ARSA: variants seen among roughly 807,000 people sequenced by gnomAD.
ARSA encodes the protein arylsulfatase A.
Under a neutral mutation model 37.8 loss-of-function variants are expected in ARSA, and 32 were observed. That is an observed-to-expected ratio of 0.85 (90% CI 0.64 to 1.14). The LOEUF is 1.14. ARSA is among the 50% of genes most tolerant of loss of function. The pLI is 0.00. For synonymous variants in ARSA, 303 were observed against 303.4 expected, an observed-to-expected ratio of 1.00 and a Z score of 0.01; for missense variants, 685 against 686.3, an observed-to-expected ratio of 1.00 and a Z score of 0.02.
rs780413907 is a variant in ARSA, at chr22:50,624,813, G to A, written c.*332C>T. ...ATGTGCCCATGTCCTTGAGGCTGAC[G>A]TGTGCCTGTGTGCACTGACCCACGC... On this transcript the variant is annotated 3_prime_UTR_variant, in exon 8 of 8. Transcript: ENST00000216124. 7.0e-4 allele frequency among the ~76,000 whole-genome samples: 103 copies of A among 146,756 alleles called. No homozygotes were observed. Among genetic ancestry groups the A allele is most frequent in the Admixed American group, 1.2e-3 (17 of 13,800 alleles).
chr22:50,626,126 G>T, intron 5 of ARSA, 28 bp downstream of exon 5: 1 of 1,599,432 alleles, frequency 6.3e-7, no homozygotes, highest in Non-Finnish European at 8.5e-7. Context: ...TGGGGCCAGG[G>T]TTCCAAGGAG....
chr22:50,626,617 C>T lies in ARSA; in HGVS notation c.828G>A (p.Thr276=), dbSNP rs370585019. The T allele has an allele frequency of 1.5e-5, 25 of 1,613,864 alleles. No homozygotes were observed. The highest frequency in any genetic ancestry group is 1.7e-4 in the Middle Eastern group (1 of 6,060). The change falls in exon 4 of 8, where the codon ACG becomes ACA. Residue 276 remains threonine, a synonymous_variant. Transcript: ENST00000216124. ...CATTGTCTGCAGTGAAGATGACCAG[C>T]GTCTCTTCAAGCAGCCCCAGGTCCC... is the stretch of plus-strand genomic sequence containing the variant. ...AIGDLGLLEE[T]LVIFTADNGP... is the part of the protein sequence containing the mutation.
rs2082642816 is a variant in ARSA at position 50,625,247 on chromosome 22, G to A, written c.1428C>T (p.Pro476=). ...GGTCCTCGCCCCGGGCCACCTGGCTGGGGCCGAAGGTCACAGCTGCGTCTA... is the reference window on the plus strand; with the variant it reads ...GGTCCTCGCCCCGGGCCACCTGGCTAGGGCCGAAGGTCACAGCTGCGTCTA... The part of the protein sequence containing the change: ...AQLDAAVTFG[P]SQVARGEDPA... Residue 476 remains proline, a synonymous_variant, in exon 8 of 8, where the codon CCC becomes CCT. Transcript: ENST00000216124. 1.9e-6 allele frequency: 3 copies of A among 1,611,540 alleles called. No homozygotes were observed. The highest frequency in any genetic ancestry group is 2.5e-6 in the Non-Finnish European group (3 of 1,179,166).
At chr22:50,625,555 G>T (rs772146580) in intron 7 of ARSA, 24 bp downstream of exon 7, 7 of 1,609,888 alleles carry the variant, frequency 4.3e-6, no homozygotes, top group Admixed American at 3.3e-5. Context: ...AGGTCGGGGG[G>T]AGGGATCCAC....
rs764737103 is a variant in ARSA, at chr22:50,627,585, G to A, written c.195C>T (p.Tyr65=). ...AAGGLRFTDF[Y]VPVSLCTPSR... ...AGGGTGTGCACAGAGACACAGGCAC[G>A]TAGAAGTCTGTGAACCGCAGCCCTC... is the stretch of plus-strand genomic sequence containing the variant. The change falls in exon 1 of 8, where the codon TAC becomes TAT. Residue 65 remains tyrosine (Y), a synonymous_variant. Transcript: ENST00000216124. 5.2e-5 allele frequency: 81 copies of A among 1,562,458 alleles called. No homozygotes were observed. Among genetic ancestry groups the A allele is most frequent in the African/African-American group, 2.6e-4 (19 of 73,758 alleles).
In ARSA at chr22:50,627,895, G is replaced by A. The variant is rs2082704731; in HGVS notation, c.-116C>T. On this transcript the variant is annotated 5_prime_UTR_variant, in exon 1 of 8. Transcript: ENST00000216124. ...GAGACCCCGGACCCAAATACTCCCC[G>A]ACCCTGACGGCCGCCTCCTGAAGCT... 10 of 1,039,138 alleles carry A rather than the reference G, an allele frequency of 9.6e-6. No individual in the cohort carries two copies. Among genetic ancestry groups the A allele is most frequent in the South Asian group, 1.6e-5 (1 of 62,018 alleles). 64.4% of individuals were successfully genotyped at this position (1,039,138 alleles called of 1,614,324 possible). A position where few individuals can be genotyped will look rare whatever the true frequency, so the allele number is the denominator to read the frequency against.
At chr22:50,625,749 G>A (rs2082654433) in intron 6 of ARSA, 68 bp from the exon 7 acceptor site, 3 of 1,574,698 alleles carry the variant, frequency 1.9e-6, no homozygotes, top group Non-Finnish European at 2.6e-6. Context: ...GGGGCTGCCA[G>A]CCCTGGTGGG....
Position 50,627,753 on chromosome 22 carries a change from G to A in ARSA, c.27C>T (p.Leu9=), listed in dbSNP as rs944621208. 2.6e-6 allele frequency: 4 copies of A among 1,548,456 alleles called. No homozygotes were observed. The African/African-American group carries it at 5.5e-5, about 21-fold the overall frequency. The change falls in exon 1 of 8, where the codon CTC becomes CTT. Residue 9 remains leucine (L), a synonymous_variant. Transcript: ENST00000216124. MSMGAPRS[L]LLALAAGLAV... ...CCAGGCCAGCAGCCAGGGCCAGGAG[G>A]AGGGACCGCGGTGCCCCCATGGACA...
In ARSA at chr22:50,626,153, C is replaced by A. The variant is rs754722529; in HGVS notation, c.979+1G>T. On this transcript the variant is annotated splice_donor_variant, in intron 5 of 7. Coordinates refer to ENST00000216124, the MANE Select transcript of ARSA (RefSeq NM_000487.6). LOFTEE classifies it high-confidence loss of function. ...TCCAAGGAGAGGGCCTGCGGACTGA[C>A]CGGGAGCGATATGACCTGGCCAGAA... 1 of 1,601,614 alleles carries A rather than the reference C, an allele frequency of 6.2e-7. No homozygotes were observed.
chr22:50,628,090 G>A lies in ARSA; in HGVS notation c.-311C>T, dbSNP rs980788308. On this transcript the variant is annotated 5_prime_UTR_variant, in exon 1 of 8. Transcript: ENST00000216124. Reference sequence around the variant, plus strand: ...TGGCGCTGACCAGCGGAGTCGGGCCGGGGGGAAGGCGCTAGAGGGAGCCCA... The same window carrying A: ...TGGCGCTGACCAGCGGAGTCGGGCCAGGGGGAAGGCGCTAGAGGGAGCCCA... 1.8e-5 allele frequency: 7 copies of A among 380,362 alleles called. No homozygotes were observed. In the East Asian group the frequency reaches 3.2e-4, roughly 17 times the overall value. 23.6% of individuals were successfully genotyped at this position (380,362 alleles called of 1,614,324 possible).
At position 50,627,643 on chromosome 22, in the gene ARSA, G is replaced by C; in HGVS notation, c.137C>G (p.Ser46Cys). 1 of 1,560,190 alleles carries C rather than the reference G, an allele frequency of 6.4e-7. No individual in the cohort carries two copies. The highest frequency in any genetic ancestry group is 1.2e-5 in the South Asian group (1 of 84,946). The change falls in exon 1 of 8, where the codon TCT becomes TGT. Residue 46 changes from serine (S) to cysteine (C), a missense_variant. Ser to Cys is a moderately radical substitution (Grantham distance 112). Transcript: ENST00000216124. ...CAGCTGGTCCAGGTTGGGAGTGGTAGAGCTGGGGTGCCCATAGCAGCCCAG... is the reference window on the plus strand; with the variant it reads ...CAGCTGGTCCAGGTTGGGAGTGGTACAGCTGGGGTGCCCATAGCAGCCCAG... ...GDLGCYGHPS[S>C]TTPNLDQLAA...
Position 50,626,620 on chromosome 22 carries a change from C to A in ARSA, c.825G>T (p.Glu275Asp), listed in dbSNP as rs907795869. The A allele has an allele frequency of 1.7e-5, 27 of 1,613,864 alleles. No individual in the cohort carries two copies. The highest frequency in any genetic ancestry group is 2.2e-5 in the Non-Finnish European group (26 of 1,180,040). ...TGTCTGCAGTGAAGATGACCAGCGT[C>A]TCTTCAAGCAGCCCCAGGTCCCCTA... ...TAIGDLGLLE[E>D]TLVIFTADNG... The change falls in exon 4 of 8, where the codon GAG (glutamate) becomes GAT (aspartate). Residue 275 changes from glutamate (E) to aspartate (D), a missense_variant. By Grantham distance (45) the Glu-to-Asp change is conservative. Transcript: ENST00000216124.
At chr22:50,627,458 T>TAG (rs760341375) in intron 1 of ARSA, 52 bp from the exon 2 acceptor site, 104 of 1,604,120 alleles carry the variant, frequency 6.5e-5, no homozygotes, top group Non-Finnish European at 7.8e-5. Context: ...TGGCCTTCCC[T>TAG]AGAGAGAGAG....
chr22:50,627,058 G>A lies in ARSA; in HGVS notation c.466-6C>T. ...GTCAGGTTCTGGCAGGGGCCCTGAG[G>A]CGGGCAGCTGCCGTGAGGGCTGGGC... On this transcript the variant is annotated splice_region_variant and splice_polypyrimidine_tract_variant and intron_variant, in intron 2 of 7. Transcript: ENST00000216124. The A allele has an allele frequency of 6.2e-7, 1 of 1,602,226 alleles. No homozygotes were observed. The highest frequency in any genetic ancestry group is 8.5e-7 in the Non-Finnish European group (1 of 1,172,926).
At chr22:50,627,133 G>C (rs1376420645) in intron 2 of ARSA, 33 bp downstream of exon 2, 1 of 1,597,814 alleles carries the variant, frequency 6.3e-7, no homozygotes, top group African/African-American at 1.3e-5. Context: ...TTTGGGAGGT[G>C]GGAGGGTGGC....
rs1396970616 is a variant in ARSA at position 50,624,973 on chromosome 22, A to T, written c.*172T>A. 2.1e-5 allele frequency: 16 copies of T among 779,046 alleles called. No homozygotes were observed. In the South Asian group the frequency reaches 3.1e-4, roughly 15 times the overall value. 48.3% of individuals were successfully genotyped at this position (779,046 alleles called of 1,614,324 possible). A position where few individuals can be genotyped will look rare whatever the true frequency, so the allele number is the denominator to read the frequency against. On this transcript the variant is annotated 3_prime_UTR_variant, in exon 8 of 8. Transcript: ENST00000216124. ...ACCTCAGTTTCCTCATTCGTACCAC[A>T]GGGGACCGGCACCAGCACACAGCAT...
rs131716 is a variant in ARSA, at chr22:50,623,898, CAAAA to C, written c.*1243_*1246del. ...TGGGCGACAGAGCGAGACTCCGTCT[CAAAA>C]AAAAAAAAAAAAAAAAAAAAAAAAA... is the stretch of plus-strand genomic sequence containing the variant. On this transcript the variant is annotated 3_prime_UTR_variant, in exon 8 of 8. Transcript: ENST00000216124. 7.0e-4 allele frequency: 99 copies of C among 141,828 alleles called. No homozygotes were observed. The highest frequency in any genetic ancestry group is 2.5e-3 in the African/African-American group (95 of 38,066). 8.8% of individuals were successfully genotyped at this position (141,828 alleles called of 1,614,324 possible).
At chr22:50,627,131 G>A (rs375876130) in intron 2 of ARSA, 35 bp downstream of exon 2, 21 of 1,597,296 alleles carry the variant, frequency 1.3e-5, no homozygotes, top group East Asian at 2.2e-5. Flanking sequence ...ACTTTGGGAG[G>A]TGGGAGGGTG....
rs962671474 is a variant in ARSA at position 50,624,157 on chromosome 22, C to T, written c.*988G>A. 2.4e-4 allele frequency among the ~76,000 whole-genome samples: 36 copies of T among 152,032 alleles called. No individual in the cohort carries two copies. The highest frequency in any genetic ancestry group is 8.0e-4 in the African/African-American group (33 of 41,472). Reference sequence around the variant, plus strand: ...TGCGATCTCGGCTCACTGCAACCACCGCCTCCCAGGTTCAAGTGATTCTCC... The same window carrying T: ...TGCGATCTCGGCTCACTGCAACCACTGCCTCCCAGGTTCAAGTGATTCTCC... On this transcript the variant is annotated 3_prime_UTR_variant, in exon 8 of 8. Coordinates refer to ENST00000216124, the MANE Select transcript of ARSA (RefSeq NM_000487.6).
Sources: allele counts gnomAD v4.1 joint callset (sites outside exome capture counted in the v4.1 genomes callset), GRCh38; gene constraint gnomAD v4.1.1; transcripts MANE v1.5; gene names NCBI Gene and HGNC (gene_info 2026-07-23, HGNC 2026-07-21).